The following PDE4D variants were observed in gnomAD, a reference collection of about 807,000 sequenced individuals.
PDE4D encodes phosphodiesterase 4D.
Under a neutral mutation model 87.4 loss-of-function variants are expected in PDE4D, and 24 were observed. That is an observed-to-expected ratio of 0.27 (90% CI 0.20 to 0.39). The LOEUF is 0.39. Among genes scored for constraint, PDE4D ranks in the 10% least tolerant of loss-of-function variants. The pLI is 1.00. For missense variants in PDE4D, 714 were observed against 1,041.0 expected, an observed-to-expected ratio of 0.69 and a Z score of 4.32; for synonymous variants, 384 against 383.2, an observed-to-expected ratio of 1.00 and a Z score of -0.02.
intron 2 of PDE4D, among the ~76,000 whole-genome samples, chr5:60,047,198 C>G (rs990033208): frequency 1.1e-3 from 171 of 152,094 alleles, no homozygotes; most frequent in African/African-American, 3.5e-3. Context: ...GTATTTCTGT[C>G]GGATTGGTGG....
At chr5:59,325,880 A>T (rs893309607) in intron 1 of PDE4D, among the ~76,000 whole-genome samples, 1 of 152,066 alleles carries the variant, frequency 6.6e-6, no homozygotes, top group Admixed American at 6.6e-5. Flanking sequence ...TTGAGTCACA[A>T]TGATAAACTA....
chr5:60,179,845 A>T (rs1784239200), intron 2 of PDE4D, among the ~76,000 whole-genome samples: 1 of 152,200 alleles, frequency 6.6e-6, no homozygotes. Flanking sequence ...AGCCATTATA[A>T]ACATTTTTCT....
At chr5:60,083,518 A>AG (rs1224017689) in intron 2 of PDE4D, among the ~76,000 whole-genome samples, 1 of 152,260 alleles carries the variant, frequency 6.6e-6, no homozygotes, top group Non-Finnish European at 1.5e-5. Flanking sequence ...TGTATGGGAA[A>AG]GCCTGAGCTT....
At chr5:59,157,965 G>C (rs1780496676) in intron 5 of PDE4D, among the ~76,000 whole-genome samples, 1 of 152,166 alleles carries the variant, frequency 6.6e-6, no homozygotes, top group Non-Finnish European at 1.5e-5. Context: ...ACTGAGAGAA[G>C]GAAAGGGTAT....
intron 1 of PDE4D, among the ~76,000 whole-genome samples, chr5:59,758,429 T>C (rs1205850566): frequency 6.6e-6 from 1 of 152,188 alleles, no homozygotes; most frequent in Non-Finnish European, 1.5e-5. Context: ...TCTTCTCAGA[T>C]CAACTTTTCA....
intron 1 of PDE4D, among the ~76,000 whole-genome samples, chr5:59,393,373 G>A (rs401013): frequency 0.42 from 63,838 of 151,986 alleles, 13,709 homozygotes; most frequent in East Asian, 0.49. Flanking sequence ...GCAAAAATAG[G>A]GGATAAAAGA....
chr5:60,121,063 C>A (rs572841330), intron 2 of PDE4D, among the ~76,000 whole-genome samples: 1 of 152,120 alleles, frequency 6.6e-6, no homozygotes, highest in South Asian at 2.1e-4. Flanking sequence ...ATGCTTCCTG[C>A]CCTTGAAAAT....
At chr5:60,291,768 T>C (rs1752919606) in intron 1 of PDE4D, among the ~76,000 whole-genome samples, 1 of 152,184 alleles carries the variant, frequency 6.6e-6, no homozygotes, top group South Asian at 2.1e-4. Flanking sequence ...GGAATTTCTT[T>C]TTGAAAAATA....
In PDE4D at chr5:60,075,093, T is replaced by C. The variant is rs184606152; in HGVS notation, c.43-86376A>G. On this transcript the variant is annotated intron_variant, in intron 2 of 16. Coordinates refer to the PDE4D transcript ENST00000502484. Reference sequence around the variant, plus strand: ...CAGACTTGTTTGTGTGGTTGCTTTATAGAGTCACTGGTCTGTGTACTTATA... The same window carrying C: ...CAGACTTGTTTGTGTGGTTGCTTTACAGAGTCACTGGTCTGTGTACTTATA... Among the ~76,000 whole-genome samples the C allele has an allele frequency of 4.4e-3, 666 of 152,332 alleles. 5 individuals are homozygous for C. The highest frequency in any genetic ancestry group is 0.01 in the Middle Eastern group (3 of 294).
chr5:59,402,618 C>A (rs35116914), intron 1 of PDE4D, among the ~76,000 whole-genome samples: 63,737 of 151,754 alleles, frequency 0.42, 13,666 homozygotes, highest in East Asian at 0.49. Context: ...TCATGATAAT[C>A]AACACAGGAC....
At chr5:60,195,922 G>A (rs1007888637) in intron 1 of PDE4D, among the ~76,000 whole-genome samples, 23 of 151,728 alleles carry the variant, frequency 1.5e-4, no homozygotes, top group Non-Finnish European at 2.5e-4. Context: ...AGACATTGAC[G>A]GTTCTTTTCA....
intron 1 of PDE4D, among the ~76,000 whole-genome samples, chr5:60,401,642 C>T (rs771043810): frequency 3.9e-5 from 6 of 152,154 alleles, no homozygotes; most frequent in Non-Finnish European, 5.9e-5. Context: ...CCCTCCAGGC[C>T]GCATCTCAGG....
chr5:59,686,897 T>C (rs1749965031), intron 1 of PDE4D, among the ~76,000 whole-genome samples: 1 of 152,152 alleles, frequency 6.6e-6, no homozygotes, highest in Admixed American at 6.6e-5. Flanking sequence ...GGCATGTTAC[T>C]CAACATATAA....
chr5:60,141,699 C>T (rs1314324150), intron 2 of PDE4D, among the ~76,000 whole-genome samples: 4 of 152,112 alleles, frequency 2.6e-5, no homozygotes, highest in African/African-American at 9.7e-5. Flanking sequence ...TTCCTGTGGA[C>T]CTAGGACATT....
chr5:59,483,777 T>G (rs1163629069), intron 1 of PDE4D, among the ~76,000 whole-genome samples: 1 of 152,156 alleles, frequency 6.6e-6, no homozygotes, highest in Non-Finnish European at 1.5e-5. Flanking sequence ...AACAGTGGCC[T>G]CTATCCACAC....
At chr5:59,271,436 T>C (rs1763835432) in intron 1 of PDE4D, among the ~76,000 whole-genome samples, 2 of 152,272 alleles carry the variant, frequency 1.3e-5, no homozygotes, top group Admixed American at 6.5e-5. Context: ...AAAATGAGAA[T>C]AACTGAGGAT....
Position 58,974,565 on chromosome 5 carries a change from G to A in PDE4D, c.*99C>T, listed in dbSNP as rs1743231328. 1.8e-6 allele frequency: 2 copies of A among 1,132,524 alleles called. No homozygotes were observed. Among genetic ancestry groups the A allele is most frequent in the Non-Finnish European group, 2.5e-6 (2 of 798,958 alleles). The allele number at this position is 1,132,524 out of a possible 1,614,324, so 70.2% of individuals were successfully genotyped here. A position where few individuals can be genotyped will look rare whatever the true frequency, so the allele number is the denominator to read the frequency against. On this transcript the variant is annotated 3_prime_UTR_variant, in exon 15 of 15. Transcript: ENST00000340635. ...GTTTTGTTCAACAAACGTCCTGGCAGATGACAGTGAGGTGTGACCGTGGTT... is the reference window on the plus strand; with the variant it reads ...GTTTTGTTCAACAAACGTCCTGGCAAATGACAGTGAGGTGTGACCGTGGTT...
At chr5:59,979,770 G>A (rs1240206891) in intron 3 of PDE4D, among the ~76,000 whole-genome samples, 10 of 152,008 alleles carry the variant, frequency 6.6e-5, no homozygotes, top group African/African-American at 2.4e-4. Context: ...TGAGAGAAAT[G>A]GGATGAAAAA....
At chr5:59,626,149 T>G (rs1830883818) in intron 1 of PDE4D, among the ~76,000 whole-genome samples, 1 of 152,218 alleles carries the variant, frequency 6.6e-6, no homozygotes, top group Non-Finnish European at 1.5e-5. Context: ...TAGGGTCCGT[T>G]AACATTAAAG....
Sources: gnomAD v4.1 joint callset for allele counts (sites outside exome capture counted in the v4.1 genomes callset) on GRCh38, gnomAD v4.1.1 for gene constraint, MANE v1.5 for transcripts, NCBI Gene and HGNC (gene_info 2026-07-23, HGNC 2026-07-21) for gene names.